The following PAPSS1 variants were observed in gnomAD, a reference collection of about 807,000 sequenced individuals.
PAPSS1 encodes the protein bifunctional 3'-phosphoadenosine 5'-phosphosulfate synthase 1.
PAPSS1 carries 50 observed loss-of-function variants against 72.0 expected under a neutral mutation model. The ratio of observed to expected loss-of-function variants is 0.69; its 90% confidence interval spans 0.55 to 0.88. The LOEUF (loss-of-function observed/expected upper bound fraction) is 0.88, where lower values mean the gene tolerates loss of function less well. PAPSS1 is among the 40% of genes least tolerant of loss of function. The probability of loss-of-function intolerance (pLI) is 0.00; values close to 1 mark genes in which losing one functional copy is unlikely to be tolerated. For synonymous variants in PAPSS1, 261 were observed against 263.6 expected (o/e 0.99, Z 0.09); for missense variants, 657 against 782.2 (o/e 0.84, Z 1.91).
chr4:107,654,839 C>G lies in PAPSS1; in HGVS notation c.957G>C (p.Arg319Ser). The change falls in exon 8 of 12, where the codon AGG becomes AGC. Residue 319 changes from arginine (R) to serine (S), a missense_variant. By Grantham distance (110) the Arg-to-Ser change is moderately radical. This residue lies in a region of PAPSS1 where 190 missense variants were observed against 176.7 expected (regional missense o/e 1.07). Transcript: ENST00000265174. Reference protein sequence around the residue: ...VLTATHEDKERLDGCTAFALM... With the variant: ...VLTATHEDKESLDGCTAFALM... ...GAGCAAATGCTGTACAGCCGTCCAG[C>G]CTCTCTTTATCTTCATGAGTCGCAG... 1 of 1,614,008 alleles carries G rather than the reference C, an allele frequency of 6.2e-7. No individual in the cohort carries two copies. Among genetic ancestry groups the G allele is most frequent in the Non-Finnish European group, 8.5e-7 (1 of 1,179,944 alleles).
chr4:107,684,174 A>G (rs962088369), intron 4 of PAPSS1, among the ~76,000 whole-genome samples: 1 of 152,200 alleles, frequency 6.6e-6, no homozygotes, highest in Non-Finnish European at 1.5e-5. Context: ...AATACTTGGC[A>G]CCAAATACAT....
chr4:107,621,047 G>C (rs1725941378), intron 11 of PAPSS1, among the ~76,000 whole-genome samples: 1 of 152,160 alleles, frequency 6.6e-6, no homozygotes, highest in Non-Finnish European at 1.5e-5. Flanking sequence ...TGATGGTACA[G>C]ATACAGAAAA....
intron 4 of PAPSS1, 126 bp from the exon 5 acceptor site, chr4:107,682,259 T>A: frequency 2.3e-6 from 1 of 430,134 alleles, no homozygotes; most frequent in Non-Finnish European, 4.1e-6. Context: ...AGGGCTATAG[T>A]AATGAAGCAT....
intron 5 of PAPSS1, among the ~76,000 whole-genome samples, chr4:107,662,046 T>C (rs1727196134): frequency 1.3e-5 from 2 of 152,196 alleles, no homozygotes; most frequent in Admixed American, 1.3e-4. Context: ...TCTCTGACCT[T>C]TCTAATAATT....
chr4:107,701,053 T>C (rs1723189229), intron 2 of PAPSS1, 118 bp downstream of exon 2: 1 of 508,088 alleles, frequency 2.0e-6, no homozygotes, highest in African/African-American at 2.0e-5. Context: ...GTCAGTTATA[T>C]GTCGTGATGC....
At chr4:107,664,385 TACA>T (rs892721991) in intron 5 of PAPSS1, among the ~76,000 whole-genome samples, 35 of 152,312 alleles carry the variant, frequency 2.3e-4, no homozygotes, top group African/African-American at 8.2e-4. Flanking sequence ...TTTTACTGGC[TACA>T]ACAAGGCATG....
chr4:107,685,644 A>C (rs1722764306), intron 4 of PAPSS1, among the ~76,000 whole-genome samples: 1 of 152,246 alleles, frequency 6.6e-6, no homozygotes, highest in Admixed American at 6.5e-5. Context: ...GACAGGCAGC[A>C]GTCCCCATCA....
At chr4:107,662,038 T>A (rs570418052) in intron 5 of PAPSS1, among the ~76,000 whole-genome samples, 1 of 152,268 alleles carries the variant, frequency 6.6e-6, no homozygotes, top group Non-Finnish European at 1.5e-5. Flanking sequence ...ATTCAAAGTC[T>A]CTGACCTTTC....
chr4:107,693,125 C>T (rs754879020), intron 3 of PAPSS1, among the ~76,000 whole-genome samples: 4 of 152,060 alleles, frequency 2.6e-5, no homozygotes, highest in Non-Finnish European at 4.4e-5. Flanking sequence ...GCACATGTAG[C>T]CCTGATCTTA....
chr4:107,711,580 T>C (rs1723497311), intron 1 of PAPSS1, among the ~76,000 whole-genome samples: 2 of 152,232 alleles, frequency 1.3e-5, no homozygotes, highest in East Asian at 1.9e-4. Context: ...ACATCTTTCA[T>C]CCATCCTATC....
Position 107,672,415 on chromosome 4 carries a change from A to C in PAPSS1, c.669+9600T>G, listed in dbSNP as rs575500476. Among the ~76,000 whole-genome samples the C allele has an allele frequency of 4.6e-5, 7 of 152,338 alleles. No individual in the cohort carries two copies. The South Asian group carries it at 1.5e-3, about 32-fold the overall frequency. Reference sequence around the variant, plus strand: ...TCTTAGCAAACAGCACACCAGGAGAATTATATCCCGTGCCAGGCTCGGAGG... The same window carrying C: ...TCTTAGCAAACAGCACACCAGGAGACTTATATCCCGTGCCAGGCTCGGAGG... On this transcript the variant is annotated intron_variant, in intron 5 of 11. Transcript: ENST00000265174.
At chr4:107,658,688 G>GA (rs577817586) in intron 6 of PAPSS1, among the ~76,000 whole-genome samples, 3 of 151,540 alleles carry the variant, frequency 2.0e-5, no homozygotes, top group African/African-American at 2.4e-5. Flanking sequence ...CAATTCACAG[G>GA]AAAAAAAATT....
rs12509711 is a variant in PAPSS1, at chr4:107,714,257, A to C, written c.60+5863T>G. ...GTTTCCTCTTAGTAATTTTCCATCC[A>C]CCGACCCCCACCCTGCTCCCTCACC... is the stretch of plus-strand genomic sequence containing the variant. On this transcript the variant is annotated intron_variant, in intron 1 of 11. Transcript: ENST00000265174. Among the ~76,000 whole-genome samples, 519 of 152,050 alleles carry C rather than the reference A, an allele frequency of 3.4e-3. 3 individuals are homozygous for C. The highest frequency in any genetic ancestry group is 0.018 in the Admixed American group (276 of 15,260).
chr4:107,631,898 A>T, intron 10 of PAPSS1, 38 bp from the exon 11 acceptor site: 1 of 1,336,372 alleles, frequency 7.5e-7, no homozygotes, highest in Non-Finnish European at 1.1e-6. Flanking sequence ...CTTTGCTTTT[A>T]TGACTATGTA....
intron 7 of PAPSS1, among the ~76,000 whole-genome samples, chr4:107,656,566 C>A (rs1056511689): frequency 6.6e-6 from 1 of 152,176 alleles, no homozygotes; most frequent in African/African-American, 2.4e-5. Flanking sequence ...CAAAACGCAG[C>A]ACGTACATGC....
intron 1 of PAPSS1, chr4:107,719,782 A>G (rs1723730148): frequency 1.6e-5 from 19 of 1,160,038 alleles, no homozygotes; most frequent in Non-Finnish European, 2.0e-5. Context: ...CGCAGGTTTC[A>G]GCACCCGGAG....
chr4:107,613,927 G>T lies in PAPSS1; in HGVS notation c.*322C>A. 5.8e-6 allele frequency: 1 copy of T among 172,362 alleles called. No individual in the cohort carries two copies. Among genetic ancestry groups the T allele is most frequent in the Non-Finnish European group, 1.2e-5 (1 of 82,008 alleles). 10.7% of individuals were successfully genotyped at this position (172,362 alleles called of 1,614,324 possible). On this transcript the variant is annotated 3_prime_UTR_variant, in exon 12 of 12. Transcript: ENST00000265174. ...GGGGAAAAAAAGCAAGATTTAATGT[G>T]AATACTACTGGTTACAACTAATATA...
intron 5 of PAPSS1, among the ~76,000 whole-genome samples, chr4:107,678,893 T>C (rs960315316): frequency 6.6e-6 from 1 of 152,158 alleles, no homozygotes. Context: ...CAGGGTCCTC[T>C]GTTTCTGGGT....
chr4:107,718,981 G>C (rs537756504), intron 1 of PAPSS1, among the ~76,000 whole-genome samples: 8 of 152,344 alleles, frequency 5.3e-5, no homozygotes, highest in African/African-American at 1.9e-4. Flanking sequence ...CACACAGCTA[G>C]TAAATGGCAA....
Sources: gnomAD v4.1 joint callset for allele counts (sites outside exome capture counted in the v4.1 genomes callset) on GRCh38, gnomAD v4.1.1 for gene constraint, gnomAD v4.1.1 regional missense constraint, MANE v1.5 for transcripts, NCBI Gene and HGNC (gene_info 2026-07-23, HGNC 2026-07-21) for gene names.